The following DOCK7 variants were observed in gnomAD, a reference collection of about 807,000 sequenced individuals.
DOCK7 encodes the protein dedicator of cytokinesis 7.
Under a neutral mutation model 271.0 loss-of-function variants are expected in DOCK7, and 138 were observed. That is an observed-to-expected ratio of 0.51 (90% confidence interval 0.44 to 0.59). DOCK7 has a LOEUF of 0.59. Among genes scored for constraint, DOCK7 ranks in the 20% least tolerant of loss-of-function variants. The pLI, the probability that DOCK7 is intolerant of heterozygous loss-of-function variation, is 0.00. For synonymous variants in DOCK7, 823 were observed against 876.1 expected, an observed-to-expected ratio of 0.94 and a Z score of 1.07; for missense variants, 2,066 against 2,592.4, an observed-to-expected ratio of 0.80 and a Z score of 4.41.
chr1:62,489,306 G>A (rs373724576), intron 41 of DOCK7, among the ~76,000 whole-genome samples: 7 of 151,998 alleles, frequency 4.6e-5, no homozygotes, highest in South Asian at 2.1e-4. Flanking sequence ...AACATTGGCC[G>A]GGCGTGGTGG....
chr1:62,513,721 A>C lies in DOCK7; in HGVS notation c.4114T>G (p.Tyr1372Asp). ...ATGGTACAATGACCACTTACTTTATACTCAAAGCAAGACACACAGAGATAA... is the reference window on the plus strand; with the variant it reads ...ATGGTACAATGACCACTTACTTTATCCTCAAAGCAAGACACACAGAGATAA... ...LLYLCVSCFEYKGKKVFERMN... is the reference protein window; with the variant it reads ...LLYLCVSCFEDKGKKVFERMN... Residue 1372 changes from tyrosine to aspartate, a missense_variant, in exon 32 of 50, where the codon TAT (tyrosine) becomes GAT (aspartate). Tyr to Asp is a radical substitution (Grantham distance 160). Transcript: ENST00000635253. 2 of 1,613,690 alleles carry C rather than the reference A, an allele frequency of 1.2e-6. No homozygotes were observed. The highest frequency in any genetic ancestry group is 1.7e-6 in the Non-Finnish European group (2 of 1,179,896).
intron 1 of DOCK7, 72 bp downstream of exon 1, chr1:62,688,154 AG>A: frequency 8.0e-7 from 1 of 1,251,000 alleles, no homozygotes; most frequent in South Asian, 2.7e-5. Context: ...CCCGCCTCCT[AG>A]GCCAGGCCTG....
At chr1:62,649,753 A>G (rs1269572301) in intron 4 of DOCK7, among the ~76,000 whole-genome samples, 1 of 151,894 alleles carries the variant, frequency 6.6e-6, no homozygotes, top group Non-Finnish European at 1.5e-5. Context: ...TAGCATTCTC[A>G]CTCTCATTTA....
intron 42 of DOCK7, chr1:62,487,613 T>C (rs148879226): frequency 4.8e-4 from 225 of 469,780 alleles, no homozygotes; most frequent in African/African-American, 3.9e-3. Flanking sequence ...AATTTTGCCT[T>C]TTAAAAACTT....
At chr1:62,479,886 C>T (rs748505763) in intron 43 of DOCK7, among the ~76,000 whole-genome samples, 22 of 151,950 alleles carry the variant, frequency 1.4e-4, no homozygotes, top group Non-Finnish European at 2.9e-4. Flanking sequence ...GGTTTTGCCA[C>T]GCTGCCCAGG....
intron 18 of DOCK7, among the ~76,000 whole-genome samples, chr1:62,575,956 T>C (rs1325577869): frequency 2.0e-5 from 3 of 152,206 alleles, no homozygotes; most frequent in Non-Finnish European, 4.4e-5. Flanking sequence ...TGGCCACCTT[T>C]CTATATAACA....
chr1:62,538,315 T>C (rs552678415), intron 27 of DOCK7, among the ~76,000 whole-genome samples: 86 of 152,332 alleles, frequency 5.6e-4, no homozygotes, highest in African/African-American at 2.0e-3. Context: ...GCATCAATAT[T>C]TCTACTTCTC....
At chr1:62,687,452 T>C (rs1661918901) in intron 1 of DOCK7, 1 of 152,310 alleles carries the variant, frequency 6.6e-6, no homozygotes, top group South Asian at 2.1e-4. Context: ...TGTCAGTGTA[T>C]AAAGAACACT....
chr1:62,598,169 ACTTTT>A lies in DOCK7; in HGVS notation c.1683-11550_1683-11546del. ...AAATACTTTGTTGCATTGTTGAAAT[ACTTTT>A]TTTTCCAAGAAAAATAATCTCCAGA... On this transcript the variant is annotated intron_variant, in intron 14 of 49. Transcript: ENST00000635253. 3 of 1,080,718 alleles carry A rather than the reference ACTTTT, an allele frequency of 2.8e-6. No homozygotes were observed. In the South Asian group the frequency reaches 7.9e-5, roughly 29 times the overall value. The allele number at this position is 1,080,718 out of a possible 1,614,324, so 66.9% of individuals were successfully genotyped here. A position where few individuals can be genotyped will look rare whatever the true frequency, so the allele number is the denominator to read the frequency against.
chr1:62,557,164 T>C (rs895573123), intron 20 of DOCK7, among the ~76,000 whole-genome samples: 1 of 151,452 alleles, frequency 6.6e-6, no homozygotes, highest in Non-Finnish European at 1.5e-5. Context: ...CCTCCCAAAG[T>C]GCTGGGATTA....
chr1:62,491,555 T>C (rs751546797), intron 41 of DOCK7, among the ~76,000 whole-genome samples: 8 of 152,226 alleles, frequency 5.3e-5, no homozygotes, highest in Non-Finnish European at 8.8e-5. Context: ...CATGACAGCA[T>C]AGTCAGGTAA....
chr1:62,687,210 G>C (rs1256308134), intron 1 of DOCK7, among the ~76,000 whole-genome samples: 2 of 152,184 alleles, frequency 1.3e-5, no homozygotes, highest in Non-Finnish European at 2.9e-5. Context: ...ACACAAATAT[G>C]ATTTTATTAA....
chr1:62,568,661 C>T (rs1197739319), intron 18 of DOCK7, among the ~76,000 whole-genome samples: 1 of 132,540 alleles, frequency 7.5e-6, no homozygotes, highest in Non-Finnish European at 1.6e-5. Flanking sequence ...ATCCTAACAT[C>T]ACAACTAAAA....
chr1:62,616,051 A>G (rs1373428204), intron 14 of DOCK7, among the ~76,000 whole-genome samples: 1 of 151,812 alleles, frequency 6.6e-6, no homozygotes, highest in Admixed American at 6.6e-5. Flanking sequence ...GCACTAATAC[A>G]TGTTTACATA....
chr1:62,540,822 C>T (rs1476654751), intron 25 of DOCK7, among the ~76,000 whole-genome samples: 1 of 151,912 alleles, frequency 6.6e-6, no homozygotes, highest in Non-Finnish European at 1.5e-5. Context: ...GAAACCTGAA[C>T]ATATATGTAA....
At chr1:62,678,233 A>AT (rs1159560541) in intron 1 of DOCK7, among the ~76,000 whole-genome samples, 1 of 152,248 alleles carries the variant, frequency 6.6e-6, no homozygotes, top group Non-Finnish European at 1.5e-5. Context: ...GTAATACAAA[A>AT]TAATAGTCTA....
chr1:62,687,185 G>A (rs934363637), intron 1 of DOCK7, among the ~76,000 whole-genome samples: 1 of 152,162 alleles, frequency 6.6e-6, no homozygotes, highest in Non-Finnish European at 1.5e-5. Context: ...TTCTTTTCTT[G>A]GGACATCATA....
In DOCK7 at chr1:62,580,339, T is replaced by A. The variant is rs1647075996; in HGVS notation, c.1872-1373A>T. ...GTGAAAAAAAATAAGACACTAGGCA[T>A]CTTATTACCAATCCCACCAAATCAC... On this transcript the variant is annotated intron_variant, in intron 16 of 49. Transcript: ENST00000635253. Among the ~76,000 whole-genome samples the A allele has an allele frequency of 1.3e-5, 2 of 152,278 alleles. 1 individual carries two copies. The highest frequency in any genetic ancestry group is 4.1e-4 in the South Asian group (2 of 4,822).
intron 1 of DOCK7, among the ~76,000 whole-genome samples, chr1:62,676,818 T>C (rs1009705417): frequency 6.6e-6 from 1 of 152,112 alleles, no homozygotes; most frequent in Non-Finnish European, 1.5e-5. Context: ...AGCATACAGA[T>C]GCAGAAGGAA....
Sources: allele counts gnomAD v4.1 joint callset (sites outside exome capture counted in the v4.1 genomes callset), GRCh38; gene constraint gnomAD v4.1.1; transcripts MANE v1.5; gene names NCBI Gene and HGNC (gene_info 2026-07-23, HGNC 2026-07-21).